Variants in ATAD2B observed in about 807,000 individuals in gnomAD.
ATAD2B encodes ATPase family AAA domain-containing protein 2B.
In ATAD2B, 40 loss-of-function variants were observed where a neutral mutation model predicts 167.6. That is an observed-to-expected ratio of 0.24 (90% CI 0.19 to 0.31). The LOEUF is 0.31. Among genes scored for constraint, ATAD2B ranks in the 10% least tolerant of loss-of-function variants. The probability of loss-of-function intolerance (pLI) is 1.00; values close to 1 mark genes in which losing one functional copy is unlikely to be tolerated. For missense variants in ATAD2B, 1,242 were observed against 1,757.2 expected (o/e 0.71, Z 5.24); for synonymous variants, 579 against 596.5 (o/e 0.97, Z 0.43).
At chr2:23,839,416 C>G (rs947078762) in intron 13 of ATAD2B, among the ~76,000 whole-genome samples, 1 of 152,006 alleles carries the variant, frequency 6.6e-6, no homozygotes, top group South Asian at 2.1e-4. Flanking sequence ...ACTTTATATT[C>G]CTTGTTCTCT....
intron 13 of ATAD2B, among the ~76,000 whole-genome samples, chr2:23,848,311 C>G (rs1314701230): frequency 6.6e-6 from 1 of 151,564 alleles, no homozygotes; most frequent in Non-Finnish European, 1.5e-5. Flanking sequence ...GAGACCGTGT[C>G]TCTACTAAAA....
chr2:23,741,531 A>G, the ATAD2B span, among the ~76,000 whole-genome samples: 1 of 152,158 alleles, frequency 6.6e-6, no homozygotes, highest in African/African-American at 2.4e-5. Context: ...TCCCTTCCTT[A>G]CACCTTATAC....
At chr2:23,739,885 C>T in the ATAD2B span, among the ~76,000 whole-genome samples, 1 of 152,170 alleles carries the variant, frequency 6.6e-6, no homozygotes. Flanking sequence ...ACCAATCCCA[C>T]AGAAATACAA....
chr2:23,772,142 C>A (rs1264111421), intron 22 of ATAD2B, among the ~76,000 whole-genome samples: 1 of 149,598 alleles, frequency 6.7e-6, no homozygotes, highest in Non-Finnish European at 1.5e-5. Context: ...TTTTTTTTTT[C>A]ATTGTGTCAT....
chr2:23,852,440 A>G (rs756688147), intron 13 of ATAD2B, among the ~76,000 whole-genome samples: 16 of 152,134 alleles, frequency 1.1e-4, no homozygotes, highest in African/African-American at 2.4e-4. Context: ...CTCATCTAAT[A>G]CACATCAAAA....
chr2:23,926,609 G>T lies in ATAD2B; in HGVS notation c.162C>A (p.Pro54=), dbSNP rs1478856510. ...RSSKTRAASC[P]AAKAGGSGGA... is the part of the protein sequence containing the mutation. ...CACCGCTTCCCCCGGCTTTGGCGGCGGGGCAGCTGGCGGCGCGGGTCTTGG... is the reference window on the plus strand; with the variant it reads ...CACCGCTTCCCCCGGCTTTGGCGGCTGGGCAGCTGGCGGCGCGGGTCTTGG... The change falls in exon 1 of 28, where the codon CCC becomes CCA. Residue 54 remains proline, a synonymous_variant. Transcript: ENST00000238789. 6.4e-6 allele frequency: 10 copies of T among 1,563,880 alleles called. No individual in the cohort carries two copies. The highest frequency in any genetic ancestry group is 8.7e-6 in the Non-Finnish European group (10 of 1,155,922).
At chr2:23,922,071 G>A (rs1704015516) in intron 1 of ATAD2B, among the ~76,000 whole-genome samples, 1 of 152,056 alleles carries the variant, frequency 6.6e-6, no homozygotes, top group African/African-American at 2.4e-5. Context: ...AAGTAATACA[G>A]CATTTTACTT....
At chr2:23,765,709 T>C (rs1677312901) in intron 22 of ATAD2B, 81 bp from the exon 23 acceptor site, 3 of 963,578 alleles carry the variant, frequency 3.1e-6, no homozygotes, top group Non-Finnish European at 4.2e-6. Flanking sequence ...AGTAAAAGAA[T>C]ACAAACAAAA....
chr2:23,916,734 T>C (rs1164233500), intron 1 of ATAD2B, among the ~76,000 whole-genome samples: 1 of 152,160 alleles, frequency 6.6e-6, no homozygotes, highest in Non-Finnish European at 1.5e-5. Context: ...GGGTATAAAC[T>C]TCAGATATAA....
chr2:23,710,839 C>T, the ATAD2B span, among the ~76,000 whole-genome samples: 1 of 152,174 alleles, frequency 6.6e-6, no homozygotes, highest in Non-Finnish European at 1.5e-5. Flanking sequence ...ATACAAACCC[C>T]TTTAATATCA....
At chr2:23,748,195 C>A (rs866981463), downstream of ATAD2B, among the ~76,000 whole-genome samples, 11 of 152,172 alleles carry the variant, frequency 7.2e-5, no homozygotes, top group Middle Eastern at 6.8e-3. Context: ...TCAAGGCACA[C>A]AGGAAAAATA....
chr2:23,780,294 T>C (rs1232324720), intron 22 of ATAD2B, among the ~76,000 whole-genome samples: 2 of 149,230 alleles, frequency 1.3e-5, no homozygotes, highest in East Asian at 3.9e-4. Context: ...TGTGTGTGTG[T>C]GTGTGTGTGT....
the ATAD2B span, among the ~76,000 whole-genome samples, chr2:23,712,554 G>T: frequency 6.6e-6 from 1 of 152,174 alleles, no homozygotes; most frequent in Non-Finnish European, 1.5e-5. Flanking sequence ...GAGAGCAGAG[G>T]AGAGGGGAGA....
chr2:23,829,208 CA>C (rs1688683741), intron 14 of ATAD2B, among the ~76,000 whole-genome samples: 1 of 152,174 alleles, frequency 6.6e-6, no homozygotes, highest in Non-Finnish European at 1.5e-5. Flanking sequence ...AATTGACTAG[CA>C]GCATATAACA....
chr2:23,878,796 T>C (rs1018784359), intron 7 of ATAD2B, among the ~76,000 whole-genome samples: 1 of 152,242 alleles, frequency 6.6e-6, no homozygotes, highest in South Asian at 2.1e-4. Flanking sequence ...AAAGGTCTAA[T>C]ATCCAGAACA....
At chr2:23,767,762 T>G (rs1488801535) in intron 22 of ATAD2B, among the ~76,000 whole-genome samples, 2 of 152,150 alleles carry the variant, frequency 1.3e-5, no homozygotes, top group Non-Finnish European at 2.9e-5. Context: ...ATTACAGATT[T>G]GAAATGTGCT....
intron 2 of ATAD2B, among the ~76,000 whole-genome samples, chr2:23,890,530 CA>C (rs1379064523): frequency 6.6e-6 from 1 of 152,190 alleles, no homozygotes; most frequent in Non-Finnish European, 1.5e-5. Flanking sequence ...GAATCACTCT[CA>C]AAATCCACTT....
intron 2 of ATAD2B, among the ~76,000 whole-genome samples, chr2:23,892,969 A>T (rs1699746190): frequency 6.6e-6 from 1 of 152,302 alleles, no homozygotes; most frequent in African/African-American, 2.4e-5. Flanking sequence ...ATATTTGGGA[A>T]TTTCTATATA....
Position 23,872,872 on chromosome 2 carries a change from C to T in ATAD2B, c.977+2957G>A, listed in dbSNP as rs573971278. 6.8e-5 allele frequency: 57 copies of T among 839,470 alleles called. 1 individual carries two copies. Among genetic ancestry groups the T allele is most frequent in the Middle Eastern group, 6.8e-4 (2 of 2,934 alleles). 52.0% of individuals were successfully genotyped at this position (839,470 alleles called of 1,614,324 possible). ...AGATGTCAAACTCATAGCCAGCCAT[C>T]TCACAGTGCCTGCCTGCCTGCCACT... On this transcript the variant is annotated intron_variant, in intron 8 of 27. Transcript: ENST00000238789.
Sources: allele counts gnomAD v4.1 joint callset (sites outside exome capture counted in the v4.1 genomes callset), GRCh38; gene constraint gnomAD v4.1.1; transcripts MANE v1.5; gene names NCBI Gene and HGNC (gene_info 2026-07-23, HGNC 2026-07-21).